The following POU2AF3 variants were observed in gnomAD, a reference collection of about 807,000 sequenced individuals.
POU2AF3 encodes POU class 2 homeobox associating factor 3, also known as cancer susceptibility candidate 13.
the POU2AF3 span, among the ~76,000 whole-genome samples, chr11:111,303,762 C>T: frequency 6.6e-6 from 1 of 152,114 alleles, no homozygotes; most frequent in Non-Finnish European, 1.5e-5. Context: ...CTGCACAGCT[C>T]TCCCTGTGGC....
the POU2AF3 span, among the ~76,000 whole-genome samples, chr11:111,307,555 G>C: frequency 6.6e-6 from 1 of 152,202 alleles, no homozygotes; most frequent in African/African-American, 2.4e-5. Context: ...ACAGACAGTA[G>C]CTCTCACTCC....
the POU2AF3 span, among the ~76,000 whole-genome samples, chr11:111,302,273 G>T: frequency 3.3e-5 from 5 of 152,162 alleles, no homozygotes; most frequent in African/African-American, 4.8e-5. Context: ...CAGATCTGAC[G>T]ATACTAAGCA....
chr11:111,299,443 T>G, the POU2AF3 span: 1 of 1,047,308 alleles, frequency 9.5e-7, no homozygotes. Context: ...CCCAACCTAC[T>G]CACTGCGGCT....
chr11:111,298,836 G>GCCCT, the POU2AF3 span: 1 of 408,804 alleles, frequency 2.4e-6, no homozygotes, highest in Non-Finnish European at 3.5e-6. Flanking sequence ...GCCCCCGCCC[G>GCCCT]CCCTCCCACG....
At chr11:111,306,484 C>T in the POU2AF3 span, 1 of 1,517,004 alleles carries the variant, frequency 6.6e-7, no homozygotes, top group Non-Finnish European at 8.8e-7. Context: ...GAAGAAAACT[C>T]AAGCTGCCTC....
chr11:111,299,481 C>A, the POU2AF3 span: 1 of 1,109,648 alleles, frequency 9.0e-7, no homozygotes, highest in South Asian at 4.5e-5. Flanking sequence ...GAGGCTGCCC[C>A]TGCTCCCAGC....
chr11:111,298,940 G>C, the POU2AF3 span: 373 of 1,043,412 alleles, frequency 3.6e-4, 2 homozygotes, highest in Middle Eastern at 2.7e-3. Context: ...AGCCTGGGAC[G>C]GGGGCAGAGC....
chr11:111,299,671 C>A, the POU2AF3 span: 2 of 1,230,788 alleles, frequency 1.6e-6, no homozygotes, highest in Non-Finnish European at 1.0e-6. Flanking sequence ...TGCGCGGACT[C>A]GCCCCGGAGC....
At chr11:111,303,963 C>T in the POU2AF3 span, among the ~76,000 whole-genome samples, 13 of 151,370 alleles carry the variant, frequency 8.6e-5, no homozygotes, top group African/African-American at 3.2e-4. Flanking sequence ...GGCTGCTTTA[C>T]TTTGAATAGT....
the POU2AF3 span, chr11:111,298,663 TTTCCTGCATA>T: frequency 1.6e-6 from 2 of 1,218,092 alleles, no homozygotes; most frequent in South Asian, 8.4e-5. Flanking sequence ...TTCCACGGCT[TTTCCTGCATA>T]GAACAGAGAG....
chr11:111,308,371 C>T, the POU2AF3 span: 5 of 1,551,502 alleles, frequency 3.2e-6, no homozygotes, highest in South Asian at 5.9e-5. Context: ...TGGACTTTGC[C>T]CCCTCAGCAG....
chr11:111,301,736 C>T, the POU2AF3 span, among the ~76,000 whole-genome samples: 3 of 152,090 alleles, frequency 2.0e-5, no homozygotes, highest in East Asian at 5.8e-4. Flanking sequence ...GAGGGTTAAT[C>T]GAGTTATTGC....
the POU2AF3 span, chr11:111,308,345 C>T: frequency 1.9e-4 from 289 of 1,551,706 alleles, no homozygotes; most frequent in African/African-American, 3.2e-3. Flanking sequence ...GTACTTCTAC[C>T]CGAGCACAGA....
At chr11:111,302,214 A>C in the POU2AF3 span, among the ~76,000 whole-genome samples, 2 of 152,208 alleles carry the variant, frequency 1.3e-5, no homozygotes, top group Non-Finnish European at 2.9e-5. Context: ...TCTTAGTGTA[A>C]TATAAAAACC....
the POU2AF3 span, chr11:111,308,453 T>C: frequency 6.5e-7 from 1 of 1,531,962 alleles, no homozygotes; most frequent in Non-Finnish European, 8.8e-7. Context: ...ATTACAGTAA[T>C]TCAGAACATG....
chr11:111,301,665 A>T, the POU2AF3 span, among the ~76,000 whole-genome samples: 1 of 152,122 alleles, frequency 6.6e-6, no homozygotes, highest in East Asian at 1.9e-4. Context: ...CCTCAAGCAA[A>T]TTACCCAATT....
At chr11:111,306,264 G>C in the POU2AF3 span, 1 of 461,734 alleles carries the variant, frequency 2.2e-6, no homozygotes, top group Non-Finnish European at 3.7e-6. Context: ...TTGCATTCCC[G>C]TTTACTTTTC....
the POU2AF3 span, among the ~76,000 whole-genome samples, chr11:111,301,660 A>G: frequency 9.2e-5 from 14 of 152,210 alleles, no homozygotes; most frequent in Admixed American, 2.6e-4. Flanking sequence ...TGTATCCTCA[A>G]GCAAATTACC....
the POU2AF3 span, chr11:111,298,801 C>A: frequency 8.3e-7 from 1 of 1,202,590 alleles, no homozygotes; most frequent in Non-Finnish European, 1.0e-6. Context: ...CCGAGTTGGC[C>A]GCTCCGGACG....
Sources: gnomAD v4.1 joint callset for allele counts (sites outside exome capture counted in the v4.1 genomes callset) on GRCh38, gnomAD v4.1.1 for gene constraint, MANE v1.5 for transcripts, NCBI Gene and HGNC (gene_info 2026-07-23, HGNC 2026-07-21) for gene names.